Variants in ARHGAP6 observed in about 807,000 individuals in gnomAD.
ARHGAP6 encodes the protein Rho GTPase activating protein 6.
ARHGAP6 carries 16 observed loss-of-function variants against 55.7 expected under a neutral mutation model. That is an observed-to-expected ratio of 0.29 (90% CI 0.19 to 0.44). ARHGAP6 has a LOEUF of 0.44. Ranked by LOEUF, ARHGAP6 falls within the 20% of genes least tolerant of loss-of-function variation. The probability of loss-of-function intolerance (pLI) is 1.00; values close to 1 mark genes in which losing one functional copy is unlikely to be tolerated. For synonymous variants in ARHGAP6, 382 were observed against 360.9 expected (o/e 1.06, Z -0.66); for missense variants, 698 against 808.9 (o/e 0.86, Z 1.66).
intron 1 of ARHGAP6, among the ~76,000 whole-genome samples, chrX:11,420,179 T>C (rs1364599163): frequency 8.9e-6 from 1 of 111,970 alleles, no homozygotes; most frequent in Admixed American, 9.5e-5. Flanking sequence ...CACATCCAAG[T>C]AGTCACCACA....
At position 11,195,292 on chromosome X, in the gene ARHGAP6, C is replaced by T. The variant is rs187735758; in HGVS notation, c.820+1633G>A. Among the ~76,000 whole-genome samples, 4 of 108,299 alleles carry T rather than the reference C, an allele frequency of 3.7e-5. 1 individual carries two copies. Among genetic ancestry groups the T allele is most frequent in the Non-Finnish European group, 7.6e-5 (4 of 52,356 alleles). The allele number at this position is 108,299 out of a possible 115,157, so 94.0% of individuals were successfully genotyped here. ...GCTTGAACCTGGGAGGCAGAGGTTG[C>T]AGTGAGCCGAGATTGCACCACTGCA... On this transcript the variant is annotated intron_variant, in intron 3 of 12. Coordinates refer to ENST00000337414, the MANE Select transcript of ARHGAP6 (RefSeq NM_013427.3).
intron 3 of ARHGAP6, among the ~76,000 whole-genome samples, chrX:11,190,308 TA>T (rs2046436907): frequency 9.1e-6 from 1 of 110,486 alleles, no homozygotes. Flanking sequence ...TATATGGTAA[TA>T]AAAAATAATT....
intron 1 of ARHGAP6, among the ~76,000 whole-genome samples, chrX:11,457,587 G>A (rs938703005): frequency 5.4e-5 from 6 of 111,551 alleles, no homozygotes; most frequent in East Asian, 2.8e-4. Context: ...AAATGCCAGC[G>A]ACACATGGAG....
intron 1 of ARHGAP6, among the ~76,000 whole-genome samples, chrX:11,325,086 C>G (rs952472507): frequency 1.8e-5 from 2 of 112,003 alleles, no homozygotes; most frequent in African/African-American, 6.5e-5. Flanking sequence ...TCTCGATCTC[C>G]TGACCTCATG....
At chrX:11,575,636 A>G (rs2051587182) in intron 1 of ARHGAP6, among the ~76,000 whole-genome samples, 1 of 112,166 alleles carries the variant, frequency 8.9e-6, no homozygotes, top group Admixed American at 9.5e-5. Flanking sequence ...TTAAAATGTT[A>G]GCATATGTTG....
chrX:11,199,350 G>A (rs749773735), intron 2 of ARHGAP6, among the ~76,000 whole-genome samples: 1 of 111,776 alleles, frequency 8.9e-6, no homozygotes, highest in Non-Finnish European at 1.9e-5. Context: ...TATCGCCTGG[G>A]AACCTGCTAG....
chrX:11,405,324 A>G (rs997087338), intron 1 of ARHGAP6, among the ~76,000 whole-genome samples: 11 of 111,980 alleles, frequency 9.8e-5, no homozygotes, highest in Non-Finnish European at 3.8e-5. Flanking sequence ...AGTTCTCAAA[A>G]TGAGCTTTTC....
chrX:11,602,060 G>GA (rs2051982272), intron 1 of ARHGAP6, among the ~76,000 whole-genome samples: 3 of 111,354 alleles, frequency 2.7e-5, no homozygotes, highest in Non-Finnish European at 5.7e-5. Flanking sequence ...GATTAAGGAT[G>GA]AAAAAAGAAC....
intron 10 of ARHGAP6, among the ~76,000 whole-genome samples, chrX:11,153,017 C>A (rs927418760): frequency 3.6e-5 from 4 of 111,675 alleles, no homozygotes; most frequent in African/African-American, 1.3e-4. Flanking sequence ...GCATTCTACC[C>A]TTGGAGGCCT....
chrX:11,396,518 T>C (rs1300645676), intron 1 of ARHGAP6, among the ~76,000 whole-genome samples: 1 of 111,759 alleles, frequency 8.9e-6, no homozygotes, highest in Non-Finnish European at 1.9e-5. Flanking sequence ...ATCAACATAT[T>C]TTTTCCAAAA....
intron 1 of ARHGAP6, among the ~76,000 whole-genome samples, chrX:11,618,207 C>A (rs985743796): frequency 9.0e-6 from 1 of 111,375 alleles, no homozygotes; most frequent in East Asian, 2.8e-4. Flanking sequence ...CCAGAATAAA[C>A]GAAGTACTGC....
chrX:11,425,538 C>T (rs1034739039), intron 1 of ARHGAP6, among the ~76,000 whole-genome samples: 1 of 111,777 alleles, frequency 8.9e-6, no homozygotes, highest in African/African-American at 3.3e-5. Flanking sequence ...CTTATTCCAA[C>T]CTGGAATCCC....
chrX:11,506,898 T>C (rs771005015), intron 1 of ARHGAP6, among the ~76,000 whole-genome samples: 65 of 111,846 alleles, frequency 5.8e-4, no homozygotes, highest in Non-Finnish European at 6.6e-4. Flanking sequence ...CTCTCCAGCA[T>C]GTTATTTCCT....
chrX:11,326,431 A>AT (rs926469525), intron 1 of ARHGAP6, among the ~76,000 whole-genome samples: 114 of 104,799 alleles, frequency 1.1e-3, no homozygotes, highest in South Asian at 4.1e-3. Context: ...CCCAGCTGGG[A>AT]TTTTTTTTTT....
chrX:11,582,328 C>G (rs181186981), intron 1 of ARHGAP6, among the ~76,000 whole-genome samples: 5 of 111,626 alleles, frequency 4.5e-5, no homozygotes, highest in African/African-American at 1.6e-4. Flanking sequence ...AACAGAAGAA[C>G]CTCCTATAGA....
At chrX:11,590,775 CG>C (rs1333084517) in intron 1 of ARHGAP6, among the ~76,000 whole-genome samples, 1 of 10,734 alleles carries the variant, frequency 9.3e-5, no homozygotes, top group Non-Finnish European at 1.7e-4. Flanking sequence ...GACTCCATCT[CG>C]AAAAGAAAAG....
intron 1 of ARHGAP6, among the ~76,000 whole-genome samples, chrX:11,581,951 C>T (rs759586903): frequency 2.7e-5 from 3 of 111,102 alleles, no homozygotes; most frequent in South Asian, 3.8e-4. Context: ...ACTGCCTAGC[C>T]GGAGATATGA....
chrX:11,229,203 A>G (rs2047094706), intron 2 of ARHGAP6, among the ~76,000 whole-genome samples: 1 of 112,118 alleles, frequency 8.9e-6, no homozygotes, highest in Admixed American at 9.5e-5. Flanking sequence ...GACTTCAAAA[A>G]ATAGATATAC....
chrX:11,343,302 A>G (rs954153144), intron 1 of ARHGAP6, among the ~76,000 whole-genome samples: 16 of 112,408 alleles, frequency 1.4e-4, no homozygotes, highest in African/African-American at 5.2e-4. Flanking sequence ...TCATAAAACT[A>G]CTAGGCTTGT....
Sources: gnomAD v4.1 joint callset for allele counts (sites outside exome capture counted in the v4.1 genomes callset) on GRCh38, gnomAD v4.1.1 for gene constraint, MANE v1.5 for transcripts, NCBI Gene and HGNC (gene_info 2026-07-23, HGNC 2026-07-21) for gene names.